OARD1: variants seen among roughly 807,000 people sequenced by gnomAD.
OARD1 encodes the protein O-acyl-ADP-ribose deacylase 1, also known as ADP-ribose glycohydrolase OARD1.
Under a neutral mutation model 19.7 loss-of-function variants are expected in OARD1, and 19 were observed. The observed-to-expected ratio is 0.96, with a 90% CI of 0.67 to 1.41. OARD1 has a LOEUF of 1.41. OARD1 is among the 40% of genes most tolerant of loss of function. The probability of loss-of-function intolerance (pLI) is 0.00; values close to 1 mark genes in which losing one functional copy is unlikely to be tolerated. For synonymous variants in OARD1, 70 were observed against 61.8 expected (o/e 1.13, Z -0.62); for missense variants, 190 against 183.8 (o/e 1.03, Z -0.20).
At chr6:41,072,940 G>C (rs923036721), upstream of OARD1, 3 of 153,944 alleles carry the variant, frequency 1.9e-5, no homozygotes, top group African/African-American at 4.8e-5. Context: ...GTTGGAGGGA[G>C]GCCCGATTCC....
At chr6:41,080,935 ACTT>A (rs1448148863) in intron 1 of OARD1, 1 of 1,506,358 alleles carries the variant, frequency 6.6e-7, no homozygotes, top group Non-Finnish European at 9.2e-7. Context: ...CACTGCATGA[ACTT>A]CTCCTCTCCT....
rs114634567 is a variant in OARD1, at chr6:41,097,551, T to C, written c.-42+162A>G. The C allele has an allele frequency of 5.5e-3, 4,487 of 808,838 alleles. 132 individuals carry two copies. In the African/African-American group the frequency reaches 0.064, roughly 11 times the overall value. 50.1% of individuals were successfully genotyped at this position (808,838 alleles called of 1,614,324 possible). On this transcript the variant is annotated intron_variant, in intron 1 of 4. Coordinates refer to the OARD1 transcript ENST00000480585. ...AACCACTTAGTTTTTAATAAGTGGCTCAGTATTACAATTGCAGCGATGCCT... is the reference window on the plus strand; with the variant it reads ...AACCACTTAGTTTTTAATAAGTGGCCCAGTATTACAATTGCAGCGATGCCT...
intron 1 of OARD1, among the ~76,000 whole-genome samples, chr6:41,083,116 G>T (rs993432638): frequency 1.3e-5 from 2 of 152,132 alleles, no homozygotes; most frequent in Non-Finnish European, 2.9e-5. Context: ...GAAAATTTTG[G>T]ACTATTCCAT....
In OARD1 at chr6:41,067,114, C is replaced by T. The variant is rs1763050920; in HGVS notation, c.*221G>A. The T allele has an allele frequency of 6.2e-6, 2 of 323,930 alleles. No individual in the cohort carries two copies. Among genetic ancestry groups the T allele is most frequent in the African/African-American group, 2.1e-5 (1 of 47,316 alleles). 20.1% of individuals were successfully genotyped at this position (323,930 alleles called of 1,614,324 possible). A position where few individuals can be genotyped will look rare whatever the true frequency, so the allele number is the denominator to read the frequency against. ...CCCTGCCTATTATCAAGCCACCTAA[C>T]TCCTTACTTTTCCACAAAAAAACAC... On this transcript the variant is annotated 3_prime_UTR_variant, in exon 6 of 6. Coordinates refer to ENST00000424266, the MANE Select transcript of OARD1 (RefSeq NM_001329686.2).
intron 1 of OARD1, chr6:41,097,647 G>T: frequency 2.2e-6 from 1 of 461,430 alleles, no homozygotes; most frequent in Non-Finnish European, 3.9e-6. Context: ...TGATGACATT[G>T]ACATTTCATG....
chr6:41,090,222 G>A (rs763712333), intron 1 of OARD1: 2 of 1,613,136 alleles, frequency 1.2e-6, no homozygotes, highest in Non-Finnish European at 8.5e-7. Flanking sequence ...GCAGATTGCT[G>A]TCCAGGGACA....
At position 41,066,631 on chromosome 6, in the gene OARD1, A is replaced by G. The variant is rs1406912586; in HGVS notation, c.*704T>C. ...GAGAGAAAAAGTTCACCATGAGGAG[A>G]TTCTAAAAACCTGCCTTTTGACTTG... On this transcript the variant is annotated 3_prime_UTR_variant, in exon 6 of 6. Transcript: ENST00000424266. 6.6e-6 allele frequency: 1 copy of G among 152,150 alleles called. No homozygotes were observed. The highest frequency in any genetic ancestry group is 1.9e-4 in the East Asian group (1 of 5,192). 9.4% of individuals were successfully genotyped at this position (152,150 alleles called of 1,614,324 possible).
chr6:41,096,050 T>C (rs1764348046), intron 1 of OARD1, among the ~76,000 whole-genome samples: 1 of 152,212 alleles, frequency 6.6e-6, no homozygotes, highest in South Asian at 2.1e-4. Context: ...TCTCCTCTAA[T>C]TGGCCTTATA....
Position 41,064,892 on chromosome 6 carries a change from G to C in OARD1, c.*2443C>G, listed in dbSNP as rs1581993214. On this transcript the variant is annotated 3_prime_UTR_variant, in exon 6 of 6. Transcript: ENST00000424266. ...TACATGGTGTTTGATGGTAATGGCA[G>C]GATGATGTCAAGTCTCTCTTTTTTT... 1 of 152,146 alleles carries C rather than the reference G, an allele frequency of 6.6e-6. No homozygotes were observed. Among genetic ancestry groups the C allele is most frequent in the Non-Finnish European group, 1.5e-5 (1 of 68,000 alleles). 9.4% of individuals were successfully genotyped at this position (152,146 alleles called of 1,614,324 possible).
chr6:41,077,561 A>G (rs1011700685), upstream of OARD1, among the ~76,000 whole-genome samples: 9 of 152,198 alleles, frequency 5.9e-5, no homozygotes, highest in African/African-American at 1.9e-4. Context: ...ATTAGAGACA[A>G]GATAGAATTT....
chr6:41,070,953 C>A, intron 3 of OARD1, 179 bp downstream of exon 3: 1 of 643,136 alleles, frequency 1.6e-6, no homozygotes. Context: ...TAAAAACCTT[C>A]ACAGGAGTTG....
In OARD1 at chr6:41,070,129, T is replaced by C; in HGVS notation, c.190A>G (p.Lys64Glu). ...GVQELLNQQK[K>E]SGEVAVLKRD... ...TTCAGAACAGCCACTTCTCCAGATT[T>C]CTTTTCTAAGAAAAAGTTATTTAAT... The change falls in exon 4 of 6, where the codon AAA becomes GAA. Residue 64 changes from lysine to glutamate, a missense_variant. Lys to Glu is a moderately conservative substitution (Grantham distance 56, BLOSUM62 1). Coordinates refer to ENST00000424266, the MANE Select transcript of OARD1 (RefSeq NM_001329686.2). The C allele has an allele frequency of 1.3e-6, 2 of 1,556,852 alleles. No homozygotes were observed. Among genetic ancestry groups the C allele is most frequent in the Non-Finnish European group, 1.8e-6 (2 of 1,135,560 alleles).
chr6:41,081,349 G>T (rs1449543422), intron 1 of OARD1, among the ~76,000 whole-genome samples: 1 of 152,158 alleles, frequency 6.6e-6, no homozygotes, highest in Admixed American at 6.5e-5. Flanking sequence ...AATTAGCCGG[G>T]CATGGTGGCG....
At chr6:41,076,127 A>C (rs971987673), upstream of OARD1, among the ~76,000 whole-genome samples, 2 of 152,200 alleles carry the variant, frequency 1.3e-5, no homozygotes, top group African/African-American at 4.8e-5. Flanking sequence ...AATATCTGCC[A>C]GGCATGATGA....
chr6:41,073,820 G>A (rs2114077570), upstream of OARD1, among the ~76,000 whole-genome samples: 1 of 152,242 alleles, frequency 6.6e-6, no homozygotes, highest in Admixed American at 6.5e-5. Context: ...CGGGTCTCCG[G>A]CCCGGCGCCG....
chr6:41,065,500 C>T lies in OARD1; in HGVS notation c.*1835G>A, dbSNP rs1762973233. On this transcript the variant is annotated 3_prime_UTR_variant, in exon 6 of 6. Transcript: ENST00000424266. ...TTAAGTTTCTTATCCCCCACTCTCA[C>T]TTTCAATTTTGTGTATTTAGATAAT... 6.6e-6 allele frequency: 1 copy of T among 152,148 alleles called. No homozygotes were observed. Among genetic ancestry groups the T allele is most frequent in the Non-Finnish European group, 1.5e-5 (1 of 68,024 alleles). 9.4% of individuals were successfully genotyped at this position (152,148 alleles called of 1,614,324 possible).
intron 1 of OARD1, among the ~76,000 whole-genome samples, chr6:41,081,938 G>A (rs1763920845): frequency 6.6e-6 from 1 of 152,196 alleles, no homozygotes; most frequent in Admixed American, 6.5e-5. Flanking sequence ...AATTTGGCCA[G>A]TTCCTATAAA....
At chr6:41,073,798 G>C (rs1763632367), upstream of OARD1, among the ~76,000 whole-genome samples, 1 of 152,056 alleles carries the variant, frequency 6.6e-6, no homozygotes. Flanking sequence ...CCTCCTCCCA[G>C]CCCGCTCCGC....
chr6:41,089,674 G>T, intron 1 of OARD1: 1 of 1,612,754 alleles, frequency 6.2e-7, no homozygotes, highest in Non-Finnish European at 8.5e-7. Flanking sequence ...TCATCATCCA[G>T]CAGCCCCAGA....
Sources: gnomAD v4.1 joint callset for allele counts (sites outside exome capture counted in the v4.1 genomes callset) on GRCh38, gnomAD v4.1.1 for gene constraint, MANE v1.5 for transcripts, NCBI Gene and HGNC (gene_info 2026-07-23, HGNC 2026-07-21) for gene names.